TTYH3: variants seen among roughly 807,000 people sequenced by gnomAD.
TTYH3 encodes the protein protein tweety homolog 3.
Under a neutral mutation model 68.2 loss-of-function variants are expected in TTYH3, and 23 were observed. The ratio of observed to expected loss-of-function variants is 0.34; its 90% confidence interval spans 0.24 to 0.48. The LOEUF (loss-of-function observed/expected upper bound fraction) is 0.48. Among genes scored for constraint, TTYH3 ranks in the 20% least tolerant of loss-of-function variants. TTYH3 has a pLI of 0.99. For synonymous variants in TTYH3, 360 were observed against 332.8 expected, an observed-to-expected ratio of 1.08 and a Z score of -0.89; for missense variants, 768 against 727.7, an observed-to-expected ratio of 1.06 and a Z score of -0.64.
intron 13 of TTYH3, 80 bp downstream of exon 13, chr7:2,659,095 G>C: frequency 7.1e-7 from 1 of 1,416,486 alleles, no homozygotes; most frequent in Non-Finnish European, 9.9e-7. Context: ...GTGGGCTGGT[G>C]TGGCATGTGC....
chr7:2,636,858 A>T (rs927819760), intron 1 of TTYH3, among the ~76,000 whole-genome samples: 2 of 151,942 alleles, frequency 1.3e-5, no homozygotes, highest in African/African-American at 2.4e-5. Flanking sequence ...AAGGGTTCCT[A>T]TATCTGGGCT....
rs572409819 is a variant in TTYH3 at position 2,632,209 on chromosome 7, G to T, written c.54G>T (p.Leu18=). The stretch of plus-strand genomic sequence containing the variant: ...GGTGGGTGAGCCTCCTGCACCGGCT[G>T]CCCCACTTCGACCTGAGCTGGGAGG... ...APWWVSLLHR[L]PHFDLSWEAT... Residue 18 remains leucine (L), a synonymous_variant, in exon 1 of 14, where the codon CTG becomes CTT. Transcript: ENST00000258796. 7.0e-6 allele frequency: 11 copies of T among 1,569,456 alleles called. No homozygotes were observed. The South Asian group carries it at 1.3e-4, about 18-fold the overall frequency.
At chr7:2,637,287 G>C (rs749851116) in intron 1 of TTYH3, among the ~76,000 whole-genome samples, 4 of 152,178 alleles carry the variant, frequency 2.6e-5, no homozygotes, top group Non-Finnish European at 4.4e-5. Flanking sequence ...GTCAGGCTCT[G>C]GGGGAGCGGG....
chr7:2,635,797 G>A (rs1169751551), intron 1 of TTYH3, among the ~76,000 whole-genome samples: 1 of 152,218 alleles, frequency 6.6e-6, no homozygotes, highest in African/African-American at 2.4e-5. Context: ...TTTTCCACTA[G>A]AGCCTGGAAT....
At position 2,662,514 on chromosome 7, in the gene TTYH3, G is replaced by C. The variant is rs1287518998; in HGVS notation, c.*775G>C. The C allele has an allele frequency of 6.5e-6, 1 of 153,622 alleles. No homozygotes were observed. Among genetic ancestry groups the C allele is most frequent in the Non-Finnish European group, 1.5e-5 (1 of 68,766 alleles). 9.5% of individuals were successfully genotyped at this position (153,622 alleles called of 1,614,324 possible). A position where few individuals can be genotyped will look rare whatever the true frequency, so the allele number is the denominator to read the frequency against. On this transcript the variant is annotated 3_prime_UTR_variant, in exon 14 of 14. Transcript: ENST00000258796. ...TCCCCCACCCAGAGACTGGGCAGCTGTGTCTGGTTCGTTCTTTGCACTAAC... is the reference window on the plus strand; with the variant it reads ...TCCCCCACCCAGAGACTGGGCAGCTCTGTCTGGTTCGTTCTTTGCACTAAC...
In TTYH3 at chr7:2,652,260, C is replaced by G. The variant is rs764463170; in HGVS notation, c.927+18C>G. The G allele has an allele frequency of 2.5e-6, 4 of 1,609,010 alleles. No individual in the cohort carries two copies. The highest frequency in any genetic ancestry group is 1.1e-5 in the South Asian group (1 of 91,016). ...TCCAGCAGGTGAGAGCCTGGGAGGC[C>G]GGGACTGGGCTTCAGGAGAGTCTGA... On this transcript the variant is annotated intron_variant, in intron 8 of 13. Transcript: ENST00000258796.
At chr7:2,652,315 C>A (rs1786205318) in intron 8 of TTYH3, 73 bp downstream of exon 8, 1 of 1,388,836 alleles carries the variant, frequency 7.2e-7, no homozygotes. Context: ...AGGGGCCCAG[C>A]AGGCCTGGCG....
In TTYH3 at chr7:2,647,887, C is replaced by T. The variant is rs772910353; in HGVS notation, c.627-72C>T. ...CAGGCTGCTGGCCTCAGCTCCCCCT[C>T]AAGGGCCCCTGGCGCCCCACTCCCA... On this transcript the variant is annotated intron_variant, in intron 4 of 13. Coordinates refer to ENST00000258796, the MANE Select transcript of TTYH3 (RefSeq NM_025250.3). 1.3e-5 allele frequency: 20 copies of T among 1,554,266 alleles called. No homozygotes were observed. The African/African-American group carries it at 2.3e-4, about 18-fold the overall frequency.
chr7:2,647,801 C>T (rs1354758864), intron 4 of TTYH3, 158 bp from the exon 5 acceptor site: 2 of 1,079,060 alleles, frequency 1.9e-6, no homozygotes, highest in Non-Finnish European at 2.7e-6. Context: ...TAATGGGAGC[C>T]TTTCTCAAGA....
intron 13 of TTYH3, 112 bp downstream of exon 13, chr7:2,659,127 C>T: frequency 9.4e-7 from 1 of 1,058,522 alleles, no homozygotes. Context: ...GCTCTGGGGG[C>T]AGCTGTGAGC....
intron 13 of TTYH3, chr7:2,660,481 C>G: frequency 1.0e-6 from 1 of 985,456 alleles, no homozygotes; most frequent in Non-Finnish European, 1.2e-6. Context: ...TGAGCTTCTC[C>G]CGCTGGCCCC....
chr7:2,650,684 G>A (rs1562715102), intron 7 of TTYH3, among the ~76,000 whole-genome samples: 1 of 152,058 alleles, frequency 6.6e-6, no homozygotes, highest in Non-Finnish European at 1.5e-5. Context: ...GTGGGGCTGA[G>A]TCTCTGTGGC....
intron 1 of TTYH3, among the ~76,000 whole-genome samples, chr7:2,639,661 C>G (rs1243167103): frequency 6.6e-6 from 1 of 152,250 alleles, no homozygotes; most frequent in Non-Finnish European, 1.5e-5. Context: ...ATCCAGGAAG[C>G]CGGGGGTGAC....
intron 8 of TTYH3, 42 bp downstream of exon 8, chr7:2,652,284 G>C (rs1562716160): frequency 6.3e-7 from 1 of 1,577,084 alleles, no homozygotes; most frequent in East Asian, 2.2e-5. Flanking sequence ...AGGAGAGTCT[G>C]AAGCACATTG....
intron 9 of TTYH3, among the ~76,000 whole-genome samples, 161 bp downstream of exon 9, chr7:2,653,171 TC>T (rs1786238555): frequency 6.6e-6 from 1 of 152,110 alleles, no homozygotes; most frequent in South Asian, 2.1e-4. Context: ...GTGTTCCTCT[TC>T]CCTCCCCCAG....
At chr7:2,643,516 GC>G (rs895201781) in intron 1 of TTYH3, among the ~76,000 whole-genome samples, 5 of 152,360 alleles carry the variant, frequency 3.3e-5, no homozygotes, top group African/African-American at 1.2e-4. Flanking sequence ...GGCGCCAAGG[GC>G]AAGGGTGCCT....
chr7:2,647,700 A>G (rs76539018), intron 4 of TTYH3, 62 bp downstream of exon 4: 23,046 of 1,503,924 alleles, frequency 0.015, 251 homozygotes, highest in African/African-American at 0.044. Context: ...CCTTGGGCCA[A>G]TTTTTGCTCT....
At chr7:2,639,238 C>T (rs4721903) in intron 1 of TTYH3, among the ~76,000 whole-genome samples, 48,512 of 152,086 alleles carry the variant, frequency 0.32, 7,905 homozygotes, top group East Asian at 0.45. Flanking sequence ...CCCGGAGCCC[C>T]GTGCTGCTGC....
rs371309148 is a variant in TTYH3, at chr7:2,652,214, C to T, written c.899C>T (p.Ser300Leu). 32 of 1,612,828 alleles carry T rather than the reference C, an allele frequency of 2.0e-5. No homozygotes were observed. The highest frequency in any genetic ancestry group is 1.3e-4 in the African/African-American group (10 of 74,950). ...ATCCTGCAGTACTACCTGGCCTGCT[C>T]GCCCCGCGCCGCCAACCCCTTCCAG... ...GDILQYYLAC[S>L]PRAANPFQQK... Residue 300 changes from serine to leucine, a missense_variant, in exon 8 of 14, where the codon TCG (serine) becomes TTG (leucine). Ser to Leu is a moderately radical substitution (Grantham distance 145, BLOSUM62 -2). Transcript: ENST00000258796.
Sources: allele counts gnomAD v4.1 joint callset (sites outside exome capture counted in the v4.1 genomes callset), GRCh38; gene constraint gnomAD v4.1.1; transcripts MANE v1.5; gene names NCBI Gene and HGNC (gene_info 2026-07-23, HGNC 2026-07-21).